MID1: variants seen among roughly 807,000 people sequenced by gnomAD.
MID1 encodes the protein E3 ubiquitin-protein ligase Midline-1.
MID1 carries 7 observed loss-of-function variants against 40.4 expected under a neutral mutation model. The ratio of observed to expected loss-of-function variants is 0.17; its 90% confidence interval spans 0.10 to 0.33. The LOEUF (loss-of-function observed/expected upper bound fraction) is 0.33, where lower values mean the gene tolerates loss of function less well. Ranked by LOEUF, MID1 falls within the 10% of genes least tolerant of loss-of-function variation. The pLI is 1.00. For missense variants in MID1, 367 were observed against 558.5 expected, an observed-to-expected ratio of 0.66 and a Z score of 3.46; for synonymous variants, 229 against 221.2, an observed-to-expected ratio of 1.04 and a Z score of -0.31.
rs994683415 is a variant in MID1, at chrX:10,448,342, T to C, written c.*1026A>G. 1.8e-5 allele frequency: 2 copies of C among 111,416 alleles called. No homozygotes were observed. The highest frequency in any genetic ancestry group is 3.8e-5 in the Non-Finnish European group (2 of 53,135). The allele number at this position is 111,416 out of a possible 1,213,427, so 9.2% of individuals were successfully genotyped here. On this transcript the variant is annotated 3_prime_UTR_variant, in exon 10 of 10. Coordinates refer to ENST00000317552, the MANE Select transcript of MID1 (RefSeq NM_000381.4). ...GGTAGTGCTGATCAGGGCCATGTGC[T>C]GATGTCCTGGAGAGCAAAATCAATC...
chrX:10,462,568 T>G, intron 7 of MID1, among the ~76,000 whole-genome samples: 1 of 112,086 alleles, frequency 8.9e-6, no homozygotes, highest in Non-Finnish European at 1.9e-5. Context: ...AACATTCACC[T>G]CCTCCGACTC....
upstream of MID1, among the ~76,000 whole-genome samples, chrX:10,623,272 G>GGAAA (rs1191421344): frequency 2.1e-5 from 2 of 94,431 alleles, no homozygotes; most frequent in Non-Finnish European, 4.1e-5. Flanking sequence ...AATAAAGAAA[G>GGAAA]GAAAGAAAGA....
chrX:10,724,601 T>G (rs1367963698), intron 1 of MID1, among the ~76,000 whole-genome samples: 1 of 112,281 alleles, frequency 8.9e-6, no homozygotes, highest in Non-Finnish European at 1.9e-5. Context: ...CGGAAAAAAC[T>G]CTAAATGCCT....
intron 7 of MID1, among the ~76,000 whole-genome samples, chrX:10,465,214 T>TATATATATATATACACAC (rs1477864693): frequency 2.5e-3 from 99 of 39,850 alleles, no homozygotes; most frequent in Non-Finnish European, 3.8e-3. Context: ...TATATATATA[T>TATATATATATATACACAC]ACACACACAC....
chrX:10,625,557 GA>G (rs1935987022), upstream of MID1, among the ~76,000 whole-genome samples: 1 of 112,092 alleles, frequency 8.9e-6, no homozygotes, highest in African/African-American at 3.2e-5. Flanking sequence ...TCCATTAGTA[GA>G]AGGCCGTCTT....
upstream of MID1, among the ~76,000 whole-genome samples, chrX:10,623,849 A>G (rs1228872419): frequency 2.7e-5 from 3 of 111,943 alleles, no homozygotes; most frequent in Non-Finnish European, 5.6e-5. Context: ...TTTGGGAGCT[A>G]TGAAAAGAGC....
intron 1 of MID1, among the ~76,000 whole-genome samples, chrX:10,675,984 C>T (rs1245000735): frequency 8.9e-6 from 1 of 112,140 alleles, no homozygotes; most frequent in Non-Finnish European, 1.9e-5. Context: ...GTGTCTTGAA[C>T]TTGCGCTAGG....
At chrX:10,795,709 C>G (rs988917648) in intron 1 of MID1, among the ~76,000 whole-genome samples, 10 of 112,417 alleles carry the variant, frequency 8.9e-5, no homozygotes, top group Non-Finnish European at 1.9e-4. Context: ...AGTCGTTTGT[C>G]TCTGCCTTTT....
At chrX:10,539,062 C>A (rs1267896544) in intron 2 of MID1, among the ~76,000 whole-genome samples, 2 of 112,139 alleles carry the variant, frequency 1.8e-5, no homozygotes, top group Non-Finnish European at 3.8e-5. Context: ...CACAATGGAC[C>A]ATGCAATAAA....
chrX:10,652,640 C>T (rs906118434), intron 1 of MID1, among the ~76,000 whole-genome samples: 1 of 111,450 alleles, frequency 9.0e-6, no homozygotes, highest in Non-Finnish European at 1.9e-5. Flanking sequence ...CGCAATGCTC[C>T]CAAAGCTCTA....
intron 1 of MID1, among the ~76,000 whole-genome samples, chrX:10,674,655 G>A (rs2043010225): frequency 2.7e-5 from 3 of 111,999 alleles, no homozygotes; most frequent in Non-Finnish European, 5.6e-5. Flanking sequence ...ATGAGCATGG[G>A]GTGGAGAATA....
At chrX:10,760,238 A>G (rs1201591868) in intron 1 of MID1, among the ~76,000 whole-genome samples, 2 of 111,092 alleles carry the variant, frequency 1.8e-5, no homozygotes, top group African/African-American at 6.6e-5. Context: ...TAAATCTACA[A>G]TTGTGCCAAT....
intron 1 of MID1, among the ~76,000 whole-genome samples, chrX:10,665,687 C>T (rs1175501328): frequency 9.1e-6 from 1 of 109,488 alleles, no homozygotes; most frequent in Non-Finnish European, 1.9e-5. Flanking sequence ...GCCACCACAC[C>T]CAGCTAATTT....
intron 1 of MID1, among the ~76,000 whole-genome samples, chrX:10,727,430 A>G (rs1361000566): frequency 8.9e-6 from 1 of 112,779 alleles, no homozygotes; most frequent in Non-Finnish European, 1.9e-5. Flanking sequence ...CATCATTATG[A>G]TTTTTAAATT....
intron 1 of MID1, among the ~76,000 whole-genome samples, chrX:10,589,176 C>G (rs886586925): frequency 4.5e-5 from 5 of 111,596 alleles, no homozygotes; most frequent in Non-Finnish European, 9.4e-5. Flanking sequence ...AGGTCAAAAC[C>G]AAAACTAAGC....
chrX:10,583,980 GA>G (rs745972719), intron 1 of MID1, among the ~76,000 whole-genome samples: 2 of 109,050 alleles, frequency 1.8e-5, no homozygotes, highest in Non-Finnish European at 3.8e-5. Flanking sequence ...GCGGTGAGCA[GA>G]GATCACACCA....
At chrX:10,715,155 G>A (rs1342287472) in intron 1 of MID1, among the ~76,000 whole-genome samples, 1 of 112,246 alleles carries the variant, frequency 8.9e-6, no homozygotes, top group Non-Finnish European at 1.9e-5. Flanking sequence ...ATTTCCAACT[G>A]AGGTACCAGG....
chrX:10,775,737 G>A (rs2043798255), intron 1 of MID1, among the ~76,000 whole-genome samples: 1 of 111,565 alleles, frequency 9.0e-6, no homozygotes, highest in Admixed American at 9.5e-5. Flanking sequence ...GCAATCTTAT[G>A]GATTCTTTGT....
At chrX:10,480,149 A>G (rs923615978) in intron 5 of MID1, among the ~76,000 whole-genome samples, 1 of 112,150 alleles carries the variant, frequency 8.9e-6, no homozygotes, top group Non-Finnish European at 1.9e-5. Flanking sequence ...GCTCTTGGCA[A>G]ATTTTTACAG....
Sources: allele counts gnomAD v4.1 joint callset (sites outside exome capture counted in the v4.1 genomes callset), GRCh38; gene constraint gnomAD v4.1.1; transcripts MANE v1.5; gene names NCBI Gene and HGNC (gene_info 2026-07-23, HGNC 2026-07-21).